ANO7: variants seen among roughly 807,000 people sequenced by gnomAD.
ANO7 encodes anoctamin 7, also known as anoctamin-7.
ANO7 carries 114 observed loss-of-function variants against 115.8 expected under a neutral mutation model. The observed-to-expected ratio is 0.98, with a 90% CI of 0.85 to 1.15. The LOEUF (loss-of-function observed/expected upper bound fraction) is 1.15, where lower values mean the gene tolerates loss of function less well. Ranked by LOEUF, ANO7 falls within the 50% of genes most tolerant of loss-of-function variation. The pLI is 0.00. For synonymous variants in ANO7, 550 were observed against 498.2 expected (o/e 1.10, Z -1.38); for missense variants, 1,302 against 1,201.2 (o/e 1.08, Z -1.24).
chr2:241,218,273 C>G lies in ANO7; in HGVS notation c.2213C>G (p.Pro738Arg). The G allele has an allele frequency of 6.5e-7, 1 of 1,533,842 alleles. No individual in the cohort carries two copies. The highest frequency in any genetic ancestry group is 1.2e-5 in the South Asian group (1 of 85,078). The change falls in exon 21 of 25, where the codon CCG becomes CGG. Residue 738 changes from proline (P) to arginine (R), a missense_variant. Pro to Arg is a moderately radical substitution (Grantham distance 103). Coordinates refer to ENST00000674324, the MANE Select transcript of ANO7 (RefSeq NM_001370694.2). Reference sequence around the variant, plus strand: ...CTGGCCTTCTCGTCCGACTTCCTGCCGCGCGCCTACTACCGGTGGACCCGC... The same window carrying G: ...CTGGCCTTCTCGTCCGACTTCCTGCGGCGCGCCTACTACCGGTGGACCCGC... ...FLLAFSSDFL[P>R]RAYYRWTRAH...
Position 241,188,808 on chromosome 2 carries a change from G to A in ANO7, c.-8+42G>A, listed in dbSNP as rs551870578. ...GACGTGTGGGCCACAGGGAGAAGGT[G>A]GAGCGTTGGACTCTAGGGAGGCAGG... On this transcript the variant is annotated intron_variant, in intron 1 of 24. Coordinates refer to ENST00000674324, the MANE Select transcript of ANO7 (RefSeq NM_001370694.2). The surrounding 1 kb of genome is among the most constrained non-coding windows in gnomAD (Gnocchi z 4.3). 9.4e-6 allele frequency: 15 copies of A among 1,597,300 alleles called. No individual in the cohort carries two copies. In the East Asian group the frequency reaches 3.1e-4, roughly 33 times the overall value.
downstream of ANO7, chr2:241,229,420 G>C (rs888967568): frequency 2.5e-5 from 14 of 559,270 alleles, no homozygotes; most frequent in South Asian, 2.8e-4. Context: ...GAGCGGGCAC[G>C]GCCAGGCCTG....
At chr2:241,229,653 C>A (rs897653883), downstream of ANO7, 1 of 1,614,054 alleles carries the variant, frequency 6.2e-7, no homozygotes, top group African/African-American at 1.3e-5. Context: ...AGCCCCAAAG[C>A]TGGGAAATTC....
intron 11 of ANO7, among the ~76,000 whole-genome samples, chr2:241,208,464 G>A (rs1327324701): frequency 6.6e-6 from 1 of 152,204 alleles, no homozygotes; most frequent in East Asian, 1.9e-4. Flanking sequence ...GTGTCTGCGT[G>A]CTGGTTCCTC....
Position 241,223,194 on chromosome 2 carries a change from C to T in ANO7, c.2330C>T (p.Ala777Val). 6.2e-7 allele frequency: 1 copy of T among 1,614,128 alleles called. No individual in the cohort carries two copies. The highest frequency in any genetic ancestry group is 8.5e-7 in the Non-Finnish European group (1 of 1,179,958). Residue 777 changes from alanine (A) to valine (V), a missense_variant, in exon 22 of 25, where the codon GCT becomes GTT. Coordinates refer to ENST00000674324, the MANE Select transcript of ANO7 (RefSeq NM_001370694.2). ...TCCTGTGTCTGCTGCAGGTATCGGGCTTTCCGGGATGACGATGGACATTAT... is the reference window on the plus strand; with the variant it reads ...TCCTGTGTCTGCTGCAGGTATCGGGTTTTCCGGGATGACGATGGACATTAT... Reference protein sequence around the residue: ...AAHNRTCRYRAFRDDDGHYSQ... With the variant: ...AAHNRTCRYRVFRDDDGHYSQ...
chr2:241,223,084 G>A lies in ANO7; in HGVS notation c.2322-102G>A. On this transcript the variant is annotated intron_variant, in intron 21 of 24. Coordinates refer to ENST00000674324, the MANE Select transcript of ANO7 (RefSeq NM_001370694.2). ...GCCAGGCCAGGAACATGGGATGAGA[G>A]AGCGAAATGGTGGAAAAAGGGGAGA... The A allele has an allele frequency of 2.9e-6, 3 of 1,032,150 alleles. No individual in the cohort carries two copies. In the South Asian group the frequency reaches 4.3e-5, roughly 15 times the overall value. The allele number at this position is 1,032,150 out of a possible 1,614,324, so 63.9% of individuals were successfully genotyped here.
intron 4 of ANO7, 65 bp from the exon 5 acceptor site, chr2:241,199,251 C>A: frequency 1.4e-6 from 2 of 1,379,406 alleles, no homozygotes; most frequent in Non-Finnish European, 2.1e-6. Flanking sequence ...TGCGAATGGA[C>A]ACACACATGT....
intron 16 of ANO7, 78 bp downstream of exon 16, chr2:241,212,283 G>A (rs986175841): frequency 2.5e-5 from 35 of 1,390,158 alleles, no homozygotes; most frequent in Non-Finnish European, 3.2e-5. Context: ...CTGGGTACCA[G>A]GCGTCATCCA....
At chr2:241,198,795 G>A (rs2068400720) in intron 4 of ANO7, among the ~76,000 whole-genome samples, 1 of 152,186 alleles carries the variant, frequency 6.6e-6, no homozygotes, top group Non-Finnish European at 1.5e-5. Context: ...CGGGCTCCAG[G>A]AGCACCTGTC....
At position 241,224,400 on chromosome 2, in the gene ANO7, A is replaced by C; in HGVS notation, c.*247A>C. The C allele has an allele frequency of 3.7e-6, 2 of 535,946 alleles. No homozygotes were observed. Among genetic ancestry groups the C allele is most frequent in the African/African-American group, 1.9e-5 (1 of 52,456 alleles). The allele number at this position is 535,946 out of a possible 1,614,324, so 33.2% of individuals were successfully genotyped here. A position where few individuals can be genotyped will look rare whatever the true frequency, so the allele number is the denominator to read the frequency against. On this transcript the variant is annotated 3_prime_UTR_variant, in exon 25 of 25. Coordinates refer to ENST00000674324, the MANE Select transcript of ANO7 (RefSeq NM_001370694.2). ...CTCTTTGTTTCCTGCTCCCAGACAT[A>C]AGCCCAAGGGGCCCCTGCACCCAAG...
downstream of ANO7, chr2:241,230,231 G>A (rs1200577800): frequency 1.2e-6 from 2 of 1,611,470 alleles, no homozygotes; most frequent in Non-Finnish European, 1.7e-6. This position sits in a 1 kb window ranked among gnomAD's most constrained non-coding sequence, Gnocchi z 5.0. Flanking sequence ...TGACGCAGTT[G>A]GGGTCTGGGG....
At chr2:241,234,891 C>T in the ANO7 span, among the ~76,000 whole-genome samples, 13 of 152,316 alleles carry the variant, frequency 8.5e-5, no homozygotes, top group South Asian at 4.1e-4. Flanking sequence ...CAAATTTACA[C>T]GGAAGTCCAA....
At chr2:241,208,883 C>T (rs945062446) in intron 11 of ANO7, among the ~76,000 whole-genome samples, 8 of 152,212 alleles carry the variant, frequency 5.3e-5, no homozygotes, top group African/African-American at 1.7e-4. Flanking sequence ...GGCACGGTGG[C>T]TCACGCCTGT....
At chr2:241,204,274 C>T (rs2068539334) in intron 9 of ANO7, among the ~76,000 whole-genome samples, 1 of 152,210 alleles carries the variant, frequency 6.6e-6, no homozygotes, top group African/African-American at 2.4e-5. Flanking sequence ...TTGCGTTTCA[C>T]AGCAGTCACT....
At chr2:241,222,217 G>C (rs1384333592) in intron 21 of ANO7, among the ~76,000 whole-genome samples, 3 of 148,086 alleles carry the variant, frequency 2.0e-5, no homozygotes, top group African/African-American at 7.6e-5. Context: ...CTGGGCAACA[G>C]AGCGAGACTC....
At chr2:241,237,837 G>A in the ANO7 span, among the ~76,000 whole-genome samples, 1 of 152,216 alleles carries the variant, frequency 6.6e-6, no homozygotes, top group South Asian at 2.1e-4. Flanking sequence ...CCACTGAAGT[G>A]TAAAACATAG....
At chr2:241,218,442 C>T (rs1002246847) in intron 21 of ANO7, 61 bp downstream of exon 21, 55 of 958,436 alleles carry the variant, frequency 5.7e-5, no homozygotes, top group Admixed American at 3.2e-4. Context: ...GAGCGGGGCT[C>T]GGGTGGGGTG....
At chr2:241,205,775 G>GAC (rs1437311113) in intron 10 of ANO7, among the ~76,000 whole-genome samples, 2 of 67,158 alleles carry the variant, frequency 3.0e-5, no homozygotes, top group Admixed American at 1.5e-4. Context: ...CTCCCAGTCT[G>GAC]ACAGGTGGAC....
intron 4 of ANO7, among the ~76,000 whole-genome samples, chr2:241,198,942 G>A (rs1317874060): frequency 6.6e-6 from 1 of 152,226 alleles, no homozygotes; most frequent in Non-Finnish European, 1.5e-5. Context: ...GGCGACGTTC[G>A]ATGTTGAAAA....
Sources: gnomAD v4.1 joint callset for allele counts (sites outside exome capture counted in the v4.1 genomes callset) on GRCh38, gnomAD v4.1.1 for gene constraint, Gnocchi (gnomAD v3.1) non-coding constraint, MANE v1.5 for transcripts, NCBI Gene and HGNC (gene_info 2026-07-23, HGNC 2026-07-21) for gene names.